SYT7: variants seen among roughly 807,000 people sequenced by gnomAD.
SYT7 encodes synaptotagmin 7.
In SYT7, 29 loss-of-function variants were observed where a neutral mutation model predicts 75.1. The ratio of observed to expected loss-of-function variants is 0.39; its 90% CI spans 0.29 to 0.53. SYT7 has a LOEUF of 0.53. SYT7 is among the 20% of genes least tolerant of loss of function. The pLI is 0.77. For synonymous variants in SYT7, 376 were observed against 401.7 expected (o/e 0.94, Z 0.76); for missense variants, 693 against 953.2 (o/e 0.73, Z 3.59).
chr11:61,578,016 C>G (rs2064132224), intron 1 of SYT7, among the ~76,000 whole-genome samples: 1 of 152,104 alleles, frequency 6.6e-6, no homozygotes, highest in Admixed American at 6.6e-5. Context: ...AGGCTGAGGG[C>G]AGGAAGAGGC....
At position 61,523,260 on chromosome 11, in the gene SYT7, C is replaced by A. The variant is rs773908428; in HGVS notation, c.1771G>T (p.Val591Leu). Reference protein sequence around the residue: ...IGGTSDPYVKVWLMYKDKRVE... With the variant: ...IGGTSDPYVKLWLMYKDKRVE... The stretch of plus-strand genomic sequence containing the variant: ...CGCTTGTCCTTGTACATCAGCCATA[C>A]CTTCACGTAGGGGTCTAGGGGAGGG... Residue 591 changes from valine to leucine, a missense_variant, in exon 12 of 13, where the codon GTA becomes TTA. Physicochemically the swap from Val to Leu is conservative, Grantham distance 32. Coordinates refer to ENST00000539008, the MANE Select transcript of SYT7 (RefSeq NM_001365809.2). The surrounding 1 kb of genome is among the most constrained non-coding windows in gnomAD (Gnocchi z 5.0). 5.1e-5 allele frequency: 83 copies of A among 1,614,028 alleles called. No homozygotes were observed. Among genetic ancestry groups the A allele is most frequent in the Non-Finnish European group, 6.8e-5 (80 of 1,180,050 alleles).
rs2062150995 is a variant in SYT7, at chr11:61,516,457, G to A, written c.*2170C>T. 1 of 152,236 alleles carries A rather than the reference G, an allele frequency of 6.6e-6. No homozygotes were observed. The highest frequency in any genetic ancestry group is 2.4e-5 in the African/African-American group (1 of 41,446). 9.4% of individuals were successfully genotyped at this position (152,236 alleles called of 1,614,324 possible). ...TCGATACAAGTTGGTTGGATCCCCA[G>A]GGCGAAGGCGCCTGGAAGGTGGGGG... On this transcript the variant is annotated 3_prime_UTR_variant, in exon 13 of 13. Coordinates refer to ENST00000539008, the MANE Select transcript of SYT7 (RefSeq NM_001365809.2). This position sits in a 1 kb window ranked among gnomAD's most constrained non-coding sequence, Gnocchi z 4.6.
Position 61,523,783 on chromosome 11 carries a change from G to T in SYT7, c.1756+44C>A. On this transcript the variant is annotated intron_variant, in intron 11 of 12. Coordinates refer to ENST00000539008, the MANE Select transcript of SYT7 (RefSeq NM_001365809.2). The surrounding 1 kb of genome is among the most constrained non-coding windows in gnomAD (Gnocchi z 5.0). ...ATCCGGTGTAAACCTTGTGTCACCA[G>T]CACCTCCCCGGCCCGCCCATCCTCT... The T allele has an allele frequency of 1.3e-6, 2 of 1,582,046 alleles. No homozygotes were observed. The highest frequency in any genetic ancestry group is 1.7e-6 in the Non-Finnish European group (2 of 1,151,726).
intron 1 of SYT7, among the ~76,000 whole-genome samples, chr11:61,573,978 A>AG (rs2063996578): frequency 6.6e-6 from 1 of 152,280 alleles, no homozygotes. Flanking sequence ...TTATGTGCTT[A>AG]GAACAGCACC....
upstream of SYT7, among the ~76,000 whole-genome samples, chr11:61,581,517 C>T (rs572937231): frequency 6.6e-6 from 1 of 152,242 alleles, no homozygotes; most frequent in Non-Finnish European, 1.5e-5. Flanking sequence ...TTGCTGGCGG[C>T]TCGAGGGCGT....
chr11:61,535,150 C>A (rs1177875408), intron 7 of SYT7, among the ~76,000 whole-genome samples: 4 of 152,158 alleles, frequency 2.6e-5, no homozygotes, highest in African/African-American at 9.7e-5. Context: ...GGGCCCATCA[C>A]CGGCCCAGGG....
At chr11:61,568,184 G>C (rs1485499024) in intron 1 of SYT7, among the ~76,000 whole-genome samples, 5 of 147,204 alleles carry the variant, frequency 3.4e-5, no homozygotes. Flanking sequence ...GCCCACTCCT[G>C]TTCCCCCACC....
At position 61,580,112 on chromosome 11, in the gene SYT7, G is replaced by C. The variant is rs2064208134; in HGVS notation, c.31+678C>G. Among the ~76,000 whole-genome samples the C allele has an allele frequency of 6.6e-6, 1 of 151,748 alleles. No individual in the cohort carries two copies. The highest frequency in any genetic ancestry group is 1.5e-5 in the Non-Finnish European group (1 of 67,910). Reference sequence around the variant, plus strand: ...AGGAGTTCGGCCCTCCCCCACCCCAGGACGGGAGAGAGTTTGGGGTTGTTT... The same window carrying C: ...AGGAGTTCGGCCCTCCCCCACCCCACGACGGGAGAGAGTTTGGGGTTGTTT... On this transcript the variant is annotated intron_variant, in intron 1 of 12. Coordinates refer to ENST00000539008, the MANE Select transcript of SYT7 (RefSeq NM_001365809.2). This position sits in a 1 kb window ranked among gnomAD's most constrained non-coding sequence, Gnocchi z 6.1.
chr11:61,524,462 G>A lies in SYT7; in HGVS notation c.1542C>T (p.Arg514=). The A allele has an allele frequency of 1.2e-6, 2 of 1,613,300 alleles. No homozygotes were observed. The highest frequency in any genetic ancestry group is 2.7e-5 in the African/African-American group (2 of 75,048). Residue 514 remains arginine, a synonymous_variant, in exon 10 of 13, where the codon CGC becomes CGT. Transcript: ENST00000539008. The surrounding 1 kb of genome is among the most constrained non-coding windows in gnomAD (Gnocchi z 4.1). ...TGGACACCTCCCCAATGGGGTCGTT[G>A]CGGCTGAAGCGGTCATAGTCCAGGA... ...LQVLDYDRFS[R]NDPIGEVSIP...
intron 12 of SYT7, among the ~76,000 whole-genome samples, chr11:61,522,163 TGG>T (rs1365470857): frequency 2.6e-5 from 4 of 151,448 alleles, no homozygotes; most frequent in Non-Finnish European, 5.9e-5. Context: ...ATGAATTTTT[TGG>T]TTACGTGATA....
chr11:61,549,103 A>G (rs1225484559), intron 3 of SYT7, among the ~76,000 whole-genome samples: 1 of 152,138 alleles, frequency 6.6e-6, no homozygotes, highest in Non-Finnish European at 1.5e-5. Flanking sequence ...ACAAAGATGG[A>G]GCAGGTAGCA....
upstream of SYT7, among the ~76,000 whole-genome samples, chr11:61,584,720 G>A (rs2064350657): frequency 6.6e-6 from 1 of 152,236 alleles, no homozygotes; most frequent in Non-Finnish European, 1.5e-5. Context: ...AGTACTCACG[G>A]AGAACTGGGT....
intron 8 of SYT7, among the ~76,000 whole-genome samples, chr11:61,531,324 G>C (rs1345050444): frequency 6.6e-6 from 1 of 152,206 alleles, no homozygotes; most frequent in Non-Finnish European, 1.5e-5. Context: ...AGGCAAGCTG[G>C]CTGGGAAGGG....
chr11:61,572,049 C>T (rs1372778922), intron 1 of SYT7, among the ~76,000 whole-genome samples: 1 of 152,210 alleles, frequency 6.6e-6, no homozygotes, highest in Admixed American at 6.5e-5. Flanking sequence ...CCTCAGCTGA[C>T]AGGCTGTGAA....
intron 5 of SYT7, among the ~76,000 whole-genome samples, chr11:61,544,685 G>C (rs1023796523): frequency 6.6e-6 from 1 of 152,206 alleles, no homozygotes; most frequent in South Asian, 2.1e-4. Context: ...AACTAAAATT[G>C]GTTCCTCCAG....
chr11:61,579,667 G>T (rs866333817), intron 1 of SYT7, among the ~76,000 whole-genome samples: 3 of 152,230 alleles, frequency 2.0e-5, no homozygotes, highest in African/African-American at 7.2e-5. Flanking sequence ...GAGCCTCAGG[G>T]CTGCAGGCTC....
In SYT7 at chr11:61,546,553, G is replaced by GCC; in HGVS notation, c.348-300_348-299dup. 3.9e-6 allele frequency: 1 copy of GCC among 254,016 alleles called. No individual in the cohort carries two copies. The highest frequency in any genetic ancestry group is 7.5e-6 in the Non-Finnish European group (1 of 133,348). The allele number at this position is 254,016 out of a possible 1,614,324, so 15.7% of individuals were successfully genotyped here. A position where few individuals can be genotyped will look rare whatever the true frequency, so the allele number is the denominator to read the frequency against. ...AACGCACCACGACAACGGAGGGGGG[G>GCC]CCCCTCCCCACCGCCTGGGGCAGGG... On this transcript the variant is annotated intron_variant, in intron 4 of 12. Transcript: ENST00000539008. The surrounding 1 kb of genome is among the most constrained non-coding windows in gnomAD (Gnocchi z 7.6).
intron 1 of SYT7, among the ~76,000 whole-genome samples, chr11:61,560,057 G>A (rs1346609720): frequency 6.6e-6 from 1 of 152,170 alleles, no homozygotes; most frequent in East Asian, 1.9e-4. Flanking sequence ...TGCTCCACAT[G>A]CAGTCACAAC....
rs1478379103 is a variant in SYT7 at position 61,530,871 on chromosome 11, G to C, written c.1200+2118C>G. 4 of 985,306 alleles carry C rather than the reference G, an allele frequency of 4.1e-6. No individual in the cohort carries two copies. The African/African-American group carries it at 5.2e-5, about 13-fold the overall frequency. 61.0% of individuals were successfully genotyped at this position (985,306 alleles called of 1,614,324 possible). On this transcript the variant is annotated intron_variant, in intron 8 of 12. Coordinates refer to ENST00000539008, the MANE Select transcript of SYT7 (RefSeq NM_001365809.2). ...GACAGAGCCATCTCTGTGGCAGCCA[G>C]GTTGGCCACCCCATCACAGTCAGGG...
Sources: gnomAD v4.1 joint callset for allele counts (sites outside exome capture counted in the v4.1 genomes callset) on GRCh38, gnomAD v4.1.1 for gene constraint, Gnocchi (gnomAD v3.1) non-coding constraint, MANE v1.5 for transcripts, NCBI Gene and HGNC (gene_info 2026-07-23, HGNC 2026-07-21) for gene names.